ANO9: variants seen among roughly 807,000 people sequenced by gnomAD.
ANO9 encodes anoctamin-9.
In ANO9, 80 loss-of-function variants were observed where a neutral mutation model predicts 100.5. That is an observed-to-expected ratio of 0.80 (90% confidence interval 0.66 to 0.96). ANO9 has a LOEUF of 0.96. Among genes scored for constraint, ANO9 ranks in the 40% least tolerant of loss-of-function variants. ANO9 has a pLI of 0.00. For synonymous variants in ANO9, 473 were observed against 435.6 expected, an observed-to-expected ratio of 1.09 and a Z score of -1.07; for missense variants, 1,064 against 1,072.7, an observed-to-expected ratio of 0.99 and a Z score of 0.11.
At position 441,986 on chromosome 11, in the gene ANO9, C is replaced by T. The variant is rs2133729402; in HGVS notation, c.-60G>A. The T allele has an allele frequency of 8.8e-6, 14 of 1,584,878 alleles. No individual in the cohort carries two copies. In the South Asian group the frequency reaches 1.4e-4, roughly 15 times the overall value. ...CGGCCAGGAGAGTGGCTGCCAGCGG[C>T]GGGTGCTCCTACCTGACTTCCGCGT... On this transcript the variant is annotated 5_prime_UTR_variant, in exon 1 of 23. Coordinates refer to ENST00000332826, the MANE Select transcript of ANO9 (RefSeq NM_001012302.3).
At chr11:435,844 G>C (rs1275937833) in intron 1 of ANO9, among the ~76,000 whole-genome samples, 1 of 149,986 alleles carries the variant, frequency 6.7e-6, no homozygotes, top group Non-Finnish European at 1.5e-5. Flanking sequence ...GTATAGTCTA[G>C]TCTAGTCTAG....
intron 13 of ANO9, 40 bp downstream of exon 13, chr11:428,435 T>G: frequency 6.2e-7 from 1 of 1,612,542 alleles, no homozygotes; most frequent in Non-Finnish European, 8.5e-7. Context: ...GGGGCTCCGG[T>G]GGACCCCCCA....
chr11:430,418 G>C lies in ANO9; in HGVS notation c.540-15C>G, dbSNP rs776372920. 8.1e-6 allele frequency: 12 copies of C among 1,489,096 alleles called. No homozygotes were observed. Among genetic ancestry groups the C allele is most frequent in the Non-Finnish European group, 1.1e-5 (12 of 1,106,656 alleles). 92.2% of individuals were successfully genotyped at this position (1,489,096 alleles called of 1,614,324 possible). On this transcript the variant is annotated splice_polypyrimidine_tract_variant and intron_variant, in intron 7 of 22. Transcript: ENST00000332826. ...CAAAGTAGTTCCTGCAGGCAGCAGGGGTCAAGGCCAGCTGTCAGGGGGCGG... is the reference window on the plus strand; with the variant it reads ...CAAAGTAGTTCCTGCAGGCAGCAGGCGTCAAGGCCAGCTGTCAGGGGGCGG...
rs139951213 is a variant in ANO9, at chr11:418,376, C to A, written c.2344G>T (p.Val782Leu). The change falls in exon 23 of 23, where the codon GTG becomes TTG. Residue 782 changes from valine (V) to leucine (L), a missense_variant. Transcript: ENST00000332826. Reference sequence around the variant, plus strand: ...CCTCTGGACGGGCTCTGGCCCTACACGTCTGTGCTCCTGGCACTGAAGATG... The same window carrying A: ...CCTCTGGACGGGCTCTGGCCCTACAAGTCTGTGCTCCTGGCACTGAAGATG... ...ASIFSARSTD[V>L] 8 of 1,606,994 alleles carry A rather than the reference C, an allele frequency of 5.0e-6. No individual in the cohort carries two copies. The highest frequency in any genetic ancestry group is 3.4e-5 in the Admixed American group (2 of 59,200).
rs1848072048 is a variant in ANO9, at chr11:419,913, G to A, written c.1787-184C>T. On this transcript the variant is annotated intron_variant, in intron 19 of 22. Transcript: ENST00000332826. Reference sequence around the variant, plus strand: ...GGCAGAGCATGGCCTCTGCGCTCCTGCACCCCTCACCCTGACATGGACAGG... The same window carrying A: ...GGCAGAGCATGGCCTCTGCGCTCCTACACCCCTCACCCTGACATGGACAGG... The A allele has an allele frequency of 9.2e-6, 13 of 1,407,808 alleles. No individual in the cohort carries two copies. The South Asian group carries it at 2.0e-4, about 21-fold the overall frequency. The allele number at this position is 1,407,808 out of a possible 1,614,324, so 87.2% of individuals were successfully genotyped here.
Position 421,118 on chromosome 11 carries a change from C to T in ANO9, c.1392+23G>A. Reference sequence around the variant, plus strand: ...GGGGAGCAGTGGCTCAGGGACAGGGCATGAAGCCTGGGGGTGACTGACCTC... The same window carrying T: ...GGGGAGCAGTGGCTCAGGGACAGGGTATGAAGCCTGGGGGTGACTGACCTC... On this transcript the variant is annotated intron_variant, in intron 16 of 22. Coordinates refer to ENST00000332826, the MANE Select transcript of ANO9 (RefSeq NM_001012302.3). The surrounding 1 kb of genome is among the most constrained non-coding windows in gnomAD (Gnocchi z 6.8). 1 of 1,574,146 alleles carries T rather than the reference C, an allele frequency of 6.4e-7. No homozygotes were observed. Among genetic ancestry groups the T allele is most frequent in the Non-Finnish European group, 8.7e-7 (1 of 1,154,182 alleles).
chr11:440,871 C>T (rs543590862), intron 1 of ANO9, among the ~76,000 whole-genome samples: 1 of 152,358 alleles, frequency 6.6e-6, no homozygotes, highest in South Asian at 2.1e-4. Flanking sequence ...GTAGCCGGGA[C>T]CACAGGCATG....
chr11:434,233 AGGAGAT>A, intron 1 of ANO9, 135 bp from the exon 2 acceptor site: 1 of 1,069,690 alleles, frequency 9.3e-7, no homozygotes, highest in Non-Finnish European at 1.3e-6. Context: ...AAGAGTCCCG[AGGAGAT>A]GGCTGTAGGC....
At position 428,143 on chromosome 11, in the gene ANO9, G is replaced by A. The variant is rs1848637090; in HGVS notation, c.1279C>T (p.Leu427=). The A allele has an allele frequency of 3.1e-6, 5 of 1,611,684 alleles. No homozygotes were observed. The South Asian group carries it at 5.5e-5, about 18-fold the overall frequency. The stretch of plus-strand genomic sequence containing the variant: ...GACGAGAAATGGGTGAAGAACTGCA[G>A]TGTGAAGAAGCGGATGGTGAACCTG... ...ESRFTIRFFT[L]QFFTHFSSLI... The change falls in exon 15 of 23, where the codon CTG becomes TTG. Residue 427 remains leucine, a synonymous_variant. Transcript: ENST00000332826.
At chr11:437,141 C>T (rs1011092117) in intron 1 of ANO9, among the ~76,000 whole-genome samples, 17 of 151,408 alleles carry the variant, frequency 1.1e-4, no homozygotes, top group Admixed American at 8.5e-4. Flanking sequence ...GGAGGAAGAA[C>T]CCCATTGTGC....
intron 1 of ANO9, chr11:440,435 G>GACT (rs1344082287): frequency 2.0e-5 from 3 of 152,476 alleles, no homozygotes; most frequent in Non-Finnish European, 1.5e-5. Context: ...CTGGAGCTGG[G>GACT]ACTAGCAAGT....
At chr11:431,940 G>A (rs765536017) in intron 5 of ANO9, 34 bp from the exon 6 acceptor site, 55 of 1,611,670 alleles carry the variant, frequency 3.4e-5, no homozygotes, top group Non-Finnish European at 4.0e-5. Flanking sequence ...CAGGGGGAGT[G>A]AGGTGCTGGG....
Position 420,830 on chromosome 11 carries a change from C to T in ANO9, c.1521G>A (p.Arg507=), listed in dbSNP as rs1564905264. 6.3e-7 allele frequency: 1 copy of T among 1,591,068 alleles called. No homozygotes were observed. The highest frequency in any genetic ancestry group is 8.5e-7 in the Non-Finnish European group (1 of 1,172,666). Residue 507 remains arginine, a synonymous_variant, in exon 18 of 23, where the codon CGG becomes CGA. Coordinates refer to ENST00000332826, the MANE Select transcript of ANO9 (RefSeq NM_001012302.3). The part of the protein sequence containing the change: ...PWVTHKCRSL[R]ASESGHLPRD... ...GGGGCAGGTGCCCGGACTCGGAGGC[C>T]CGCAGAGAGCGGCACTTGTGGGTCA...
chr11:421,353 C>T lies in ANO9; in HGVS notation c.1335-155G>A. 2 of 693,220 alleles carry T rather than the reference C, an allele frequency of 2.9e-6. No homozygotes were observed. The highest frequency in any genetic ancestry group is 4.6e-6 in the Non-Finnish European group (2 of 439,044). The allele number at this position is 693,220 out of a possible 1,614,324, so 42.9% of individuals were successfully genotyped here. A position where few individuals can be genotyped will look rare whatever the true frequency, so the allele number is the denominator to read the frequency against. On this transcript the variant is annotated intron_variant, in intron 15 of 22. Transcript: ENST00000332826. This position sits in a 1 kb window ranked among gnomAD's most constrained non-coding sequence, Gnocchi z 6.8. Reference sequence around the variant, plus strand: ...CAGGTGCTCACACCCAGATGAACCGCACCCGCACGTGGGCACGCACACACA... The same window carrying T: ...CAGGTGCTCACACCCAGATGAACCGTACCCGCACGTGGGCACGCACACACA...
rs1317897142 is a variant in ANO9 at position 428,569 on chromosome 11, C to G, written c.1091G>C (p.Ser364Thr). Residue 364 changes from serine (S) to threonine (T), a missense_variant, in exon 13 of 23, where the codon AGC becomes ACC. Physicochemically the swap from Ser to Thr is moderately conservative, Grantham distance 58 (BLOSUM62 1). Coordinates refer to ENST00000332826, the MANE Select transcript of ANO9 (RefSeq NM_001012302.3). ...CTCCTCCAGGAAGGGCACGGCCGAG[C>G]TGCTGAAGAGCGCGGAGGCCAGGAC... ...YRVLASALFS[S>T]SAVPFLEEQV... The G allele has an allele frequency of 6.2e-7, 1 of 1,612,570 alleles. No homozygotes were observed. The highest frequency in any genetic ancestry group is 8.5e-7 in the Non-Finnish European group (1 of 1,179,932).
Position 430,119 on chromosome 11 carries a change from C to T in ANO9, c.735G>A (p.Arg245=), listed in dbSNP as rs1055346646. The stretch of plus-strand genomic sequence containing the variant: ...TGCAGGTTTCCGAGAGCCGCTGGTA[C>T]CTGCGGCTGTGGTCGCCGAGGGGAC... ...LMCPLGDHSR[R]YQRLSETCTF... is the part of the protein sequence containing the mutation. The change falls in exon 9 of 23, where the codon AGG becomes AGA. Residue 245 remains arginine, a synonymous_variant. Transcript: ENST00000332826. 5.2e-6 allele frequency: 8 copies of T among 1,552,954 alleles called. No individual in the cohort carries two copies. The African/African-American group carries it at 6.8e-5, about 13-fold the overall frequency.
At position 430,139 on chromosome 11, in the gene ANO9, G is replaced by A. The variant is rs1365871748; in HGVS notation, c.715C>T (p.Leu239Phe). The change falls in exon 9 of 23, where the codon CTC becomes TTC. Residue 239 changes from leucine (L) to phenylalanine (F), a missense_variant. Coordinates refer to ENST00000332826, the MANE Select transcript of ANO9 (RefSeq NM_001012302.3). Reference protein sequence around the residue: ...CEAHDILMCPLGDHSRRYQRL... With the variant: ...CEAHDILMCPFGDHSRRYQRL... ...TGGTACCTGCGGCTGTGGTCGCCGA[G>A]GGGACACATGAGGATGTCGTGGGCC... The A allele has an allele frequency of 1.3e-6, 2 of 1,554,078 alleles. No individual in the cohort carries two copies. Among genetic ancestry groups the A allele is most frequent in the African/African-American group, 1.4e-5 (1 of 73,202 alleles).
chr11:429,898 A>C, intron 9 of ANO9, 80 bp from the exon 10 acceptor site: 1 of 1,010,156 alleles, frequency 9.9e-7, no homozygotes, highest in African/African-American at 1.8e-5. Flanking sequence ...GGAGGCAGGA[A>C]AGCCGGGGAA....
At position 428,152 on chromosome 11, in the gene ANO9, A is replaced by C; in HGVS notation, c.1270T>G (p.Phe424Val). Residue 424 changes from phenylalanine (F) to valine (V), a missense_variant, in exon 15 of 23, where the codon TTC becomes GTC. Transcript: ENST00000332826. ...SERESRFTIR[F>V]FTLQFFTHFS... ...TGGGTGAAGAACTGCAGTGTGAAGA[A>C]GCGGATGGTGAACCTGCTCTCTCGC... 1 of 1,611,548 alleles carries C rather than the reference A, an allele frequency of 6.2e-7. No homozygotes were observed. The highest frequency in any genetic ancestry group is 8.5e-7 in the Non-Finnish European group (1 of 1,179,648).
Sources: gnomAD v4.1 joint callset for allele counts (sites outside exome capture counted in the v4.1 genomes callset) on GRCh38, gnomAD v4.1.1 for gene constraint, Gnocchi (gnomAD v3.1) non-coding constraint, MANE v1.5 for transcripts, NCBI Gene and HGNC (gene_info 2026-07-23, HGNC 2026-07-21) for gene names.